Variants in CHCHD3 observed in about 807,000 individuals in gnomAD.
The protein encoded by CHCHD3 is MICOS complex subunit MIC19.
Under a neutral mutation model 38.2 loss-of-function variants are expected in CHCHD3, and 20 were observed. That is an observed-to-expected ratio of 0.52 (90% confidence interval 0.37 to 0.76). CHCHD3 has a LOEUF of 0.76. Ranked by LOEUF, CHCHD3 falls within the 30% of genes least tolerant of loss-of-function variation. The pLI is 0.00. For missense variants in CHCHD3, 245 were observed against 279.2 expected (o/e 0.88, Z 0.87); for synonymous variants, 82 against 100.0 (o/e 0.82, Z 1.07).
chr7:132,876,956 C>T (rs545929003), intron 5 of CHCHD3, among the ~76,000 whole-genome samples: 74 of 152,142 alleles, frequency 4.9e-4, no homozygotes, highest in African/African-American at 1.7e-3. Context: ...TATTTAATAC[C>T]GCTGTACTGT....
intron 4 of CHCHD3, among the ~76,000 whole-genome samples, chr7:132,918,223 A>G (rs924621038): frequency 6.6e-6 from 1 of 152,202 alleles, no homozygotes; most frequent in Non-Finnish European, 1.5e-5. Context: ...GGGGGATGAT[A>G]TAATTAGGGA....
chr7:133,063,016 C>G (rs1814563950), intron 2 of CHCHD3, among the ~76,000 whole-genome samples: 1 of 152,230 alleles, frequency 6.6e-6, no homozygotes, highest in African/African-American at 2.4e-5. Flanking sequence ...AGCTTTATCT[C>G]TAGTTCATTC....
At chr7:132,825,669 A>G (rs1446290419) in intron 6 of CHCHD3, among the ~76,000 whole-genome samples, 1 of 152,246 alleles carries the variant, frequency 6.6e-6, no homozygotes, top group African/African-American at 2.4e-5. Flanking sequence ...AGCCTGATGC[A>G]GAAAACAGCA....
chr7:132,967,880 C>G (rs7798220), intron 4 of CHCHD3, among the ~76,000 whole-genome samples: 36,137 of 150,130 alleles, frequency 0.24, 4,531 homozygotes, highest in South Asian at 0.31. Flanking sequence ...ATGAGGAAAG[C>G]GGGTCTGACA....
chr7:132,870,106 T>C (rs553146393), intron 5 of CHCHD3, among the ~76,000 whole-genome samples: 1 of 152,062 alleles, frequency 6.6e-6, no homozygotes, highest in Non-Finnish European at 1.5e-5. Context: ...ATCCCAGCAC[T>C]TTGGGAGGCC....
chr7:132,912,631 T>A (rs1428088091), intron 4 of CHCHD3, among the ~76,000 whole-genome samples: 1 of 152,180 alleles, frequency 6.6e-6, no homozygotes, highest in Non-Finnish European at 1.5e-5. Context: ...CTCGGCCCAC[T>A]GCAATGTCTG....
intron 6 of CHCHD3, among the ~76,000 whole-genome samples, chr7:132,803,290 C>T (rs974390401): frequency 4.6e-5 from 7 of 152,142 alleles, no homozygotes; most frequent in Non-Finnish European, 8.8e-5. Context: ...ACCAAGTAAT[C>T]TTAACACAGA....
At chr7:133,000,166 AC>A (rs1812528605) in intron 3 of CHCHD3, among the ~76,000 whole-genome samples, 1 of 152,268 alleles carries the variant, frequency 6.6e-6, no homozygotes, top group South Asian at 2.1e-4. Context: ...TCAATATGAG[AC>A]CTTAATTGCC....
At chr7:132,961,707 G>A (rs1225274815) in intron 4 of CHCHD3, among the ~76,000 whole-genome samples, 2 of 152,172 alleles carry the variant, frequency 1.3e-5, no homozygotes, top group African/African-American at 2.4e-5. Flanking sequence ...TAGTTACAAT[G>A]CTGTACCTTC....
intron 4 of CHCHD3, among the ~76,000 whole-genome samples, chr7:132,969,580 T>C (rs879840342): frequency 1.3e-5 from 2 of 152,232 alleles, no homozygotes; most frequent in Non-Finnish European, 2.9e-5. Flanking sequence ...CTAGAAACCT[T>C]GCTTGTAGTT....
At chr7:132,872,836 T>C (rs1284564307) in intron 5 of CHCHD3, among the ~76,000 whole-genome samples, 2 of 151,954 alleles carry the variant, frequency 1.3e-5, no homozygotes, top group African/African-American at 4.8e-5. Flanking sequence ...CCGGACTCGG[T>C]GGCTTATGCC....
chr7:132,786,090 A>T (rs968514110), intron 7 of CHCHD3, among the ~76,000 whole-genome samples: 1 of 152,184 alleles, frequency 6.6e-6, no homozygotes, highest in Non-Finnish European at 1.5e-5. Flanking sequence ...AGGTGGGAGG[A>T]TCCCTTGAGC....
intron 7 of CHCHD3, among the ~76,000 whole-genome samples, chr7:132,793,914 C>T (rs1168056051): frequency 2.6e-5 from 4 of 152,174 alleles, no homozygotes; most frequent in South Asian, 2.1e-4. Flanking sequence ...CGTATCTTGC[C>T]GGAGTCTCTT....
At chr7:132,931,738 T>C (rs772714897) in intron 4 of CHCHD3, among the ~76,000 whole-genome samples, 1 of 152,092 alleles carries the variant, frequency 6.6e-6, no homozygotes, top group East Asian at 1.9e-4. Flanking sequence ...CAACATTAAC[T>C]ATCTACACTC....
intron 5 of CHCHD3, among the ~76,000 whole-genome samples, chr7:132,860,615 G>A (rs927208737): frequency 1.1e-4 from 16 of 151,894 alleles, no homozygotes; most frequent in African/African-American, 3.4e-4. Flanking sequence ...GCAAAGAAAC[G>A]ATATAATCTG....
chr7:132,808,683 G>A (rs1806991376), intron 6 of CHCHD3, among the ~76,000 whole-genome samples: 2 of 151,050 alleles, frequency 1.3e-5, no homozygotes, highest in Non-Finnish European at 2.9e-5. Context: ...CAGCAATATT[G>A]TTAGCTCATC....
In CHCHD3 at chr7:132,870,619, G is replaced by A. The variant is rs530705763; in HGVS notation, c.453+15043C>T. Among the ~76,000 whole-genome samples the A allele has an allele frequency of 2.0e-5, 3 of 151,714 alleles. No individual in the cohort carries two copies. The East Asian group carries it at 5.8e-4, about 29-fold the overall frequency. On this transcript the variant is annotated intron_variant, in intron 5 of 7. Transcript: ENST00000262570. ...CACTTTACAGATGAGGGATCTGAGG[G>A]TCAAACAGGTTACATGATTTATCTA...
intron 2 of CHCHD3, among the ~76,000 whole-genome samples, chr7:133,066,888 T>C (rs962607818): frequency 6.6e-6 from 1 of 152,188 alleles, no homozygotes; most frequent in Non-Finnish European, 1.5e-5. Context: ...AAGCAGAACA[T>C]CACTAAAAAG....
intron 2 of CHCHD3, among the ~76,000 whole-genome samples, chr7:133,050,182 A>T (rs182460134): frequency 1.4e-4 from 22 of 151,938 alleles, no homozygotes; most frequent in African/African-American, 5.1e-4. Context: ...CCCTGTCTCT[A>T]CTAAAAATAC....
Sources: gnomAD v4.1 joint callset for allele counts (sites outside exome capture counted in the v4.1 genomes callset) on GRCh38, gnomAD v4.1.1 for gene constraint, MANE v1.5 for transcripts, NCBI Gene and HGNC (gene_info 2026-07-23, HGNC 2026-07-21) for gene names.